The following RPL7 variants were observed in gnomAD, a reference collection of about 807,000 sequenced individuals.
RPL7 encodes ribosomal protein L7.
For synonymous variants in RPL7, 100 were observed against 102.2 expected (o/e 0.98, Z 0.13); for missense variants, 205 against 301.9 (o/e 0.68, Z 2.38).
chr8:73,293,267 T>G (rs1468461579), intron 1 of RPL7: 1 of 355,776 alleles, frequency 2.8e-6, no homozygotes, highest in Non-Finnish European at 5.2e-6. Context: ...CAGGGAGGCC[T>G]GTACCAAGCA....
At chr8:73,292,596 G>A (rs1345024075) in intron 2 of RPL7, 93 bp downstream of exon 2, 5 of 1,104,442 alleles carry the variant, frequency 4.5e-6, no homozygotes, top group Non-Finnish European at 4.0e-6. Context: ...ACTCAGTACA[G>A]TTAGGAAGTA....
upstream of RPL7, chr8:73,293,721 T>G (rs1814173397): frequency 6.9e-7 from 1 of 1,439,956 alleles, no homozygotes; most frequent in Non-Finnish European, 9.5e-7. Flanking sequence ...CGGAAAAGAA[T>G]CCAGAACTAA....
rs1296808555 is a variant in RPL7, at chr8:73,291,857, C to T, written c.344G>A (p.Arg115His). 14 of 1,612,998 alleles carry T rather than the reference C, an allele frequency of 8.7e-6. No individual in the cohort carries two copies. Among genetic ancestry groups the T allele is most frequent in the African/African-American group, 2.7e-5 (2 of 74,908 alleles). ...CACAAAGGTTCCATTGAAGATTTGACGAAGGCGAAGAAGCTGCAACACCTT... is the reference window on the plus strand; with the variant it reads ...CACAAAGGTTCCATTGAAGATTTGATGAAGGCGAAGAAGCTGCAACACCTT... ...VRKVLQLLRL[R>H]QIFNGTFVKL... Residue 115 changes from arginine to histidine, a missense_variant, in exon 4 of 7, where the codon CGT (arginine) becomes CAT (histidine). Arg to His is a conservative substitution (Grantham distance 29). Transcript: ENST00000352983.
intron 2 of RPL7, 27 bp downstream of exon 2, chr8:73,292,662 T>C (rs1331012209): frequency 1.2e-5 from 18 of 1,542,626 alleles, no homozygotes; most frequent in Non-Finnish European, 1.6e-5. Flanking sequence ...CCTCCTTATG[T>C]GCTAGTGCCT....
intron 2 of RPL7, 117 bp downstream of exon 2, chr8:73,292,572 G>A (rs894732639): frequency 7.8e-6 from 8 of 1,022,106 alleles, no homozygotes; most frequent in South Asian, 6.3e-5. Context: ...GTAACATTAG[G>A]TAGCTAAGCA....
At chr8:73,292,145 A>G (rs1305686994) in intron 3 of RPL7, 94 bp downstream of exon 3, 2 of 1,273,290 alleles carry the variant, frequency 1.6e-6, no homozygotes, top group East Asian at 4.6e-5. Flanking sequence ...AAATATTGTT[A>G]CTCCGGTGTT....
Position 73,291,542 on chromosome 8 carries a change from T to G in RPL7, c.538+10A>C, listed in dbSNP as rs376335528. On this transcript the variant is annotated intron_variant, in intron 5 of 6. Coordinates refer to ENST00000352983, the MANE Select transcript of RPL7 (RefSeq NM_000971.4). ...GTCTAATACCAAATTTTCCCCCAAATAGAACCTACCAAGAGATCGAGCAAT... is the reference window on the plus strand; with the variant it reads ...GTCTAATACCAAATTTTCCCCCAAAGAGAACCTACCAAGAGATCGAGCAAT... 147 of 1,585,176 alleles carry G rather than the reference T, an allele frequency of 9.3e-5. No individual in the cohort carries two copies. The highest frequency in any genetic ancestry group is 1.1e-4 in the Non-Finnish European group (126 of 1,159,832).
intron 2 of RPL7, 115 bp downstream of exon 2, chr8:73,292,574 A>G: frequency 1.0e-6 from 1 of 993,852 alleles, no homozygotes; most frequent in Non-Finnish European, 1.5e-6. Flanking sequence ...AACATTAGGT[A>G]GCTAAGCAAT....
At chr8:73,293,359 G>A (rs1586182940) in intron 1 of RPL7, 1 of 510,220 alleles carries the variant, frequency 2.0e-6, no homozygotes, top group Non-Finnish European at 3.6e-6. Context: ...TCAGCCAACC[G>A]ACGGGTTCCA....
At position 73,291,987 on chromosome 8, in the gene RPL7, T is replaced by A. The variant is rs1814108348; in HGVS notation, c.291-77A>T. 2.6e-6 allele frequency: 4 copies of A among 1,541,888 alleles called. No individual in the cohort carries two copies. In the South Asian group the frequency reaches 4.6e-5, roughly 18 times the overall value. On this transcript the variant is annotated intron_variant, in intron 3 of 6. Transcript: ENST00000352983. ...TAATACTAACCATTATAGTTTTGAA[T>A]ATCGAATCCTACCTAAACAGATAGG...
intron 1 of RPL7, chr8:73,293,372 C>G (rs1814158343): frequency 1.9e-6 from 1 of 538,170 alleles, no homozygotes; most frequent in Non-Finnish European, 3.3e-6. Flanking sequence ...GGGTTCCACA[C>G]ACATTCCAAC....
At chr8:73,293,263 G>A (rs1053264447) in intron 1 of RPL7, 42 of 349,112 alleles carry the variant, frequency 1.2e-4, no homozygotes, top group Middle Eastern at 8.6e-4. Flanking sequence ...GCGGCAGGGA[G>A]GCCTGTACCA....
At chr8:73,293,441 C>T in intron 1 of RPL7, 158 bp downstream of exon 1, 2 of 885,406 alleles carry the variant, frequency 2.3e-6, no homozygotes, top group South Asian at 3.1e-5. Flanking sequence ...CGCATCCCAA[C>T]CCTAGCCTCA....
upstream of RPL7, chr8:73,293,669 C>G (rs756104658): frequency 1.2e-5 from 19 of 1,606,490 alleles, no homozygotes; most frequent in Admixed American, 2.4e-4. Flanking sequence ...TTAAAGACTT[C>G]GCGAGAGAAG....
In RPL7 at chr8:73,291,817, A is replaced by G; in HGVS notation, c.384T>C (p.Ala128=). The G allele has an allele frequency of 6.2e-7, 1 of 1,612,122 alleles. No individual in the cohort carries two copies. The highest frequency in any genetic ancestry group is 1.1e-5 in the South Asian group (1 of 91,054). The change falls in exon 4 of 7, where the codon GCT becomes GCC. Residue 128 remains alanine (A), a synonymous_variant. Coordinates refer to ENST00000352983, the MANE Select transcript of RPL7 (RefSeq NM_000971.4). ...CTACAATCCTCAGCATGTTAATCGA[A>G]GCCTTGTTGAGCTTCACAAAGGTTC... is the stretch of plus-strand genomic sequence containing the variant. ...FNGTFVKLNK[A]SINMLRIVEP...
rs938455477 is a variant in RPL7, at chr8:73,292,090, C to A, written c.290+149G>T. The A allele has an allele frequency of 1.4e-5, 15 of 1,082,738 alleles. No homozygotes were observed. The African/African-American group carries it at 2.4e-4, about 17-fold the overall frequency. 67.1% of individuals were successfully genotyped at this position (1,082,738 alleles called of 1,614,324 possible). ...GGAGCTTGGGGAACATGGCTTGCAA[C>A]TAAACCATTAGTGATCAGCACCCTC... On this transcript the variant is annotated intron_variant, in intron 3 of 6. Coordinates refer to ENST00000352983, the MANE Select transcript of RPL7 (RefSeq NM_000971.4).
At chr8:73,292,858 C>A (rs1814137733) in intron 1 of RPL7, 61 bp from the exon 2 acceptor site, 5 of 1,227,458 alleles carry the variant, frequency 4.1e-6, no homozygotes, top group Admixed American at 4.1e-5. Flanking sequence ...CTGTATTACT[C>A]CCGTACTGAG....
At chr8:73,292,600 G>A in intron 2 of RPL7, 89 bp downstream of exon 2, 1 of 1,110,998 alleles carries the variant, frequency 9.0e-7, no homozygotes, top group Non-Finnish European at 1.3e-6. Context: ...AGTACAGTTA[G>A]GAAGTAAATC....
chr8:73,293,474 C>G (rs1310107555), intron 1 of RPL7, 125 bp downstream of exon 1: 5 of 1,195,522 alleles, frequency 4.2e-6, no homozygotes, highest in Non-Finnish European at 6.0e-6. Context: ...TGTCACACAG[C>G]GTTCACAATC....
Sources: gnomAD v4.1 joint callset for allele counts on GRCh38, gnomAD v4.1.1 for gene constraint, MANE v1.5 for transcripts, NCBI Gene and HGNC (gene_info 2026-07-23, HGNC 2026-07-21) for gene names.